The following C8orf76 variants were observed in gnomAD, a reference collection of about 807,000 sequenced individuals.
The protein encoded by C8orf76 is chromosome 8 open reading frame 76.
A neutral mutation model predicts 38.1 loss-of-function variants in C8orf76; 46 were observed. The observed-to-expected ratio is 1.21, with a 90% CI of 0.95 to 1.54. The LOEUF is 1.54. Among genes scored for constraint, C8orf76 ranks in the 40% most tolerant of loss-of-function variants. The pLI is 0.00. For missense variants in C8orf76, 461 were observed against 441.6 expected, an observed-to-expected ratio of 1.04 and a Z score of -0.39; for synonymous variants, 166 against 167.5, an observed-to-expected ratio of 0.99 and a Z score of 0.07.
At chr8:123,241,198 C>A in intron 1 of C8orf76, 32 bp downstream of exon 1, 1 of 1,550,958 alleles carries the variant, frequency 6.4e-7, no homozygotes, top group African/African-American at 1.4e-5. Flanking sequence ...GCCTGGGGCC[C>A]GGGATAAGGC....
rs1187242702 is a variant in C8orf76, at chr8:123,226,515, C to A, written c.933G>T (p.Leu311Phe). ...ATACACTCACCTCAGCTATCAACAGCAAAGTGTCTTCTTTGAAGCTGAACC... is the reference window on the plus strand; with the variant it reads ...ATACACTCACCTCAGCTATCAACAGAAAAGTGTCTTCTTTGAAGCTGAACC... ...MKGFSFKEDTLLLIAEVMGED... is the reference protein window; with the variant it reads ...MKGFSFKEDTFLLIAEVMGED... The change falls in exon 5 of 6, where the codon TTG becomes TTT. Residue 311 changes from leucine (L) to phenylalanine (F), a missense_variant. Leu to Phe is a conservative substitution (Grantham distance 22, BLOSUM62 0). Coordinates refer to ENST00000276704, the MANE Select transcript of C8orf76 (RefSeq NM_032847.3). 6.2e-7 allele frequency: 1 copy of A among 1,613,034 alleles called. No individual in the cohort carries two copies. The highest frequency in any genetic ancestry group is 8.5e-7 in the Non-Finnish European group (1 of 1,179,788).
intron 4 of C8orf76, among the ~76,000 whole-genome samples, chr8:123,229,685 T>C (rs1162480544): frequency 1.3e-5 from 2 of 152,214 alleles, no homozygotes; most frequent in African/African-American, 4.8e-5. Context: ...ATTAGTGACA[T>C]GGTCAATCTA....
chr8:123,221,964 T>C (rs571016708), intron 5 of C8orf76, among the ~76,000 whole-genome samples: 4 of 152,182 alleles, frequency 2.6e-5, no homozygotes, highest in African/African-American at 9.6e-5. Context: ...CTCTATGTGA[T>C]AGTGTAAATG....
At position 123,237,841 on chromosome 8, in the gene C8orf76, TGAGCCAGACACC is replaced by T. The variant is rs750067618; in HGVS notation, c.302_313del (p.Arg101_Ala104del). 6.2e-7 allele frequency: 1 copy of T among 1,613,944 alleles called. No homozygotes were observed. The highest frequency in any genetic ancestry group is 1.3e-5 in the African/African-American group (1 of 74,910). On this transcript the variant is annotated inframe_deletion, in exon 3 of 6. Coordinates refer to ENST00000276704, the MANE Select transcript of C8orf76 (RefSeq NM_032847.3). ...CAGCGCCTCCATATGCCTACCCAGG[TGAGCCAGACACC>T]GAGCCTGACCTTCCTGGACATCCCT...
At position 123,231,771 on chromosome 8, in the gene C8orf76, A is replaced by G. The variant is rs752592288; in HGVS notation, c.358-14T>C. On this transcript the variant is annotated splice_polypyrimidine_tract_variant and intron_variant, in intron 3 of 5. Transcript: ENST00000276704. The stretch of plus-strand genomic sequence containing the variant: ...TGCTTTATTTTCCTAAGGAGAAAAA[A>G]AAAAGGTTAAGAAGTTTAAACTTCA... The G allele has an allele frequency of 2.6e-5, 40 of 1,544,504 alleles. No individual in the cohort carries two copies. The Middle Eastern group carries it at 5.2e-4, about 20-fold the overall frequency.
chr8:123,226,167 A>C (rs1825037228), intron 5 of C8orf76: 2 of 1,096,430 alleles, frequency 1.8e-6, no homozygotes, highest in Non-Finnish European at 2.2e-6. Flanking sequence ...ATGGAGGAAA[A>C]AAAATAGAAC....
intron 5 of C8orf76, among the ~76,000 whole-genome samples, chr8:123,225,146 C>T (rs1825000907): frequency 6.6e-6 from 1 of 152,288 alleles, no homozygotes; most frequent in Non-Finnish European, 1.5e-5. Flanking sequence ...GCTGGGATTA[C>T]AGGTGCCTGC....
intron 1 of C8orf76, among the ~76,000 whole-genome samples, chr8:123,240,611 T>C (rs1476105144): frequency 2.6e-5 from 4 of 152,362 alleles, no homozygotes; most frequent in African/African-American, 4.8e-5. Flanking sequence ...CAAGAACCCA[T>C]GCTGGTGCGA....
At chr8:123,232,998 C>A (rs1000552279) in intron 3 of C8orf76, among the ~76,000 whole-genome samples, 3 of 152,020 alleles carry the variant, frequency 2.0e-5, no homozygotes, top group Non-Finnish European at 4.4e-5. Flanking sequence ...TGTAACCAGT[C>A]TATAGGGCTT....
At chr8:123,220,413 G>T (rs915348968) in intron 5 of C8orf76, 116 bp from the exon 6 acceptor site, 2 of 727,538 alleles carry the variant, frequency 2.7e-6, no homozygotes, top group African/African-American at 3.6e-5. Context: ...GCAGCCAGGG[G>T]ACATTCCCAA....
intron 1 of C8orf76, among the ~76,000 whole-genome samples, chr8:123,240,197 C>A (rs753586641): frequency 1.1e-4 from 16 of 152,106 alleles, no homozygotes; most frequent in Non-Finnish European, 1.6e-4. Flanking sequence ...AAAGCCAACA[C>A]TGGAATTCAA....
intron 4 of C8orf76, among the ~76,000 whole-genome samples, chr8:123,229,001 C>T (rs1825143907): frequency 6.6e-6 from 1 of 152,214 alleles, no homozygotes. Flanking sequence ...TGACTAAGTT[C>T]TTCAAAACCA....
chr8:123,234,027 C>CA lies in C8orf76; in HGVS notation c.358-2271dup, dbSNP rs764035993. On this transcript the variant is annotated intron_variant, in intron 3 of 5. Transcript: ENST00000276704. ...TGGGCAACAGAACGAGACTTCATCTCAAAAAAAAAAAAAAAATCTATTTAA... is the reference window on the plus strand; with the variant it reads ...TGGGCAACAGAACGAGACTTCATCTCAAAAAAAAAAAAAAAAATCTATTTAA... 4.1e-3 allele frequency among the ~76,000 whole-genome samples: 417 copies of CA among 102,904 alleles called. 2 individuals carry two copies. Among genetic ancestry groups the CA allele is most frequent in the African/African-American group, 6.9e-3 (189 of 27,348 alleles). 67.5% of individuals were successfully genotyped at this position (102,904 alleles called of 152,430 possible).
chr8:123,226,707 G>C, intron 4 of C8orf76, 75 bp from the exon 5 acceptor site: 1 of 1,506,574 alleles, frequency 6.6e-7, no homozygotes, highest in Non-Finnish European at 8.8e-7. Flanking sequence ...GCGAGGAAAT[G>C]TTCAGAAAGC....
At chr8:123,232,741 T>C (rs1825317252) in intron 3 of C8orf76, among the ~76,000 whole-genome samples, 2 of 152,220 alleles carry the variant, frequency 1.3e-5, no homozygotes, top group Admixed American at 6.5e-5. Flanking sequence ...GCTGACACTG[T>C]ACCTTCCCAA....
At chr8:123,237,414 G>T (rs1259018570) in intron 3 of C8orf76, among the ~76,000 whole-genome samples, 1 of 152,118 alleles carries the variant, frequency 6.6e-6, no homozygotes, top group Admixed American at 6.5e-5. Flanking sequence ...TTGGGGGGGG[G>T]ACCTTTTTTG....
At chr8:123,236,109 C>T (rs758881082) in intron 3 of C8orf76, among the ~76,000 whole-genome samples, 1 of 152,214 alleles carries the variant, frequency 6.6e-6, no homozygotes, top group Non-Finnish European at 1.5e-5. Context: ...AGAACAATTA[C>T]TGCCAAAGTT....
intron 1 of C8orf76, chr8:123,239,414 T>G (rs1042182575): frequency 1.9e-5 from 6 of 321,896 alleles, no homozygotes; most frequent in Non-Finnish European, 3.6e-5. Context: ...TAAACTTTAG[T>G]GTGACTGGAA....
rs372472316 is a variant in C8orf76 at position 123,231,609 on chromosome 8, T to C, written c.506A>G (p.Lys169Arg). 1.9e-6 allele frequency: 3 copies of C among 1,614,214 alleles called. No individual in the cohort carries two copies. The highest frequency in any genetic ancestry group is 1.1e-5 in the South Asian group (1 of 91,076). The change falls in exon 4 of 6, where the codon AAA becomes AGA. Residue 169 changes from lysine to arginine, a missense_variant. Physicochemically the swap from Lys to Arg is conservative, Grantham distance 26. Transcript: ENST00000276704. ...CAGATTCAGGTAAGCCTCTGCCAATTTGCCCCAGTTCCAAGGATTAAAAGG... is the reference window on the plus strand; with the variant it reads ...CAGATTCAGGTAAGCCTCTGCCAATCTGCCCCAGTTCCAAGGATTAAAAGG... ...LHPFNPWNWG[K>R]LAEAYLNLGP...
Sources: allele counts gnomAD v4.1 joint callset (sites outside exome capture counted in the v4.1 genomes callset), GRCh38; gene constraint gnomAD v4.1.1; transcripts MANE v1.5; gene names NCBI Gene and HGNC (gene_info 2026-07-23, HGNC 2026-07-21).